Variants in GRID2 observed in about 807,000 individuals in gnomAD.
GRID2 encodes glutamate receptor ionotropic, delta-2.
GRID2 carries 33 observed loss-of-function variants against 114.8 expected under a neutral mutation model. The observed-to-expected ratio is 0.29, with a 90% CI of 0.22 to 0.38. GRID2 has a LOEUF of 0.38. GRID2 is among the 10% of genes least tolerant of loss of function. The pLI is 1.00. For synonymous variants in GRID2, 505 were observed against 449.9 expected (o/e 1.12, Z -1.55); for missense variants, 1,184 against 1,257.7 (o/e 0.94, Z 0.89).
chr4:92,412,328 C>T (rs986245635), intron 1 of GRID2, among the ~76,000 whole-genome samples: 2 of 151,922 alleles, frequency 1.3e-5, no homozygotes, highest in African/African-American at 4.8e-5. Flanking sequence ...ATTTGTGTTT[C>T]ACTAGTAAGT....
chr4:92,545,083 A>G (rs1030885687), intron 1 of GRID2, among the ~76,000 whole-genome samples: 6 of 152,086 alleles, frequency 3.9e-5, no homozygotes, highest in Non-Finnish European at 7.4e-5. Flanking sequence ...ACTGACCTGA[A>G]TGCCAGAGCT....
At position 92,931,659 on chromosome 4, in the gene GRID2, T is replaced by C. The variant is rs1046098976; in HGVS notation, c.245-153336T>C. On this transcript the variant is annotated intron_variant, in intron 2 of 15. Coordinates refer to ENST00000282020, the MANE Select transcript of GRID2 (RefSeq NM_001510.4). ...ACACACACACAGCATTCGGAATAGA[T>C]CTAGAGTAACCAAAATAACCTGGAT... Among the ~76,000 whole-genome samples the C allele has an allele frequency of 4.0e-5, 6 of 149,748 alleles. No homozygotes were observed. The Admixed American group carries it at 4.0e-4, about 10-fold the overall frequency.
intron 5 of GRID2, among the ~76,000 whole-genome samples, chr4:93,214,837 T>C (rs1743997542): frequency 6.6e-6 from 1 of 152,062 alleles, no homozygotes; most frequent in African/African-American, 2.4e-5. Flanking sequence ...GCTGAAATAA[T>C]GTATCTTTAC....
chr4:92,444,707 A>G (rs1334436328), intron 1 of GRID2, among the ~76,000 whole-genome samples: 1 of 152,164 alleles, frequency 6.6e-6, no homozygotes, highest in Admixed American at 6.5e-5. Flanking sequence ...CTCTTTTTAA[A>G]TATCCGTACA....
At chr4:92,665,967 A>C (rs532633800) in intron 2 of GRID2, among the ~76,000 whole-genome samples, 6 of 151,390 alleles carry the variant, frequency 4.0e-5, no homozygotes, top group Non-Finnish European at 7.4e-5. Context: ...CTTTCCTCAA[A>C]TTTTGGAAAT....
At chr4:93,395,512 C>G in intron 8 of GRID2, 95 bp from the exon 9 acceptor site, 1 of 636,978 alleles carries the variant, frequency 1.6e-6, no homozygotes, top group Non-Finnish European at 2.9e-6. Flanking sequence ...ACCAATTATT[C>G]TAAGAGCTAT....
chr4:92,919,474 C>T (rs1214010634), intron 2 of GRID2, among the ~76,000 whole-genome samples: 1 of 152,150 alleles, frequency 6.6e-6, no homozygotes, highest in East Asian at 1.9e-4. Flanking sequence ...TTCCTGCTTT[C>T]TCTAGTGGGC....
chr4:93,799,561 A>G (rs1734882458), intron 1 of GRID2, among the ~76,000 whole-genome samples: 2 of 152,196 alleles, frequency 1.3e-5, no homozygotes, highest in African/African-American at 4.8e-5. Flanking sequence ...TTTAAAATAA[A>G]TAGAAATAAA....
At chr4:92,631,217 G>T (rs1352151737) in intron 2 of GRID2, among the ~76,000 whole-genome samples, 1 of 152,018 alleles carries the variant, frequency 6.6e-6, no homozygotes, top group African/African-American at 2.4e-5. Context: ...ACTCAGATCA[G>T]TGTCCATACA....
At chr4:92,340,187 CCTTT>C (rs972787794) in intron 1 of GRID2, among the ~76,000 whole-genome samples, 13 of 152,094 alleles carry the variant, frequency 8.5e-5, no homozygotes, top group Non-Finnish European at 1.5e-4. Context: ...TCTCCTTTCT[CCTTT>C]CTTTCTATTT....
chr4:93,284,644 G>A (rs1439829453), intron 8 of GRID2, among the ~76,000 whole-genome samples: 1 of 151,644 alleles, frequency 6.6e-6, no homozygotes, highest in East Asian at 1.9e-4. Context: ...TGAAATCTTG[G>A]AGTCTATAAA....
At chr4:92,749,193 G>C (rs1182697818) in intron 2 of GRID2, among the ~76,000 whole-genome samples, 2 of 151,794 alleles carry the variant, frequency 1.3e-5, no homozygotes, top group Admixed American at 1.3e-4. Flanking sequence ...TAGTAGAGAC[G>C]GGGCTTCACC....
chr4:93,406,361 T>C (rs1371208121), intron 9 of GRID2, among the ~76,000 whole-genome samples: 1 of 152,176 alleles, frequency 6.6e-6, no homozygotes, highest in Non-Finnish European at 1.5e-5. Context: ...AAACAGAACT[T>C]GTCAGCCTCA....
At chr4:93,766,453 T>C (rs1216023591) in intron 14 of GRID2, among the ~76,000 whole-genome samples, 1 of 152,156 alleles carries the variant, frequency 6.6e-6, no homozygotes, top group Non-Finnish European at 1.5e-5. Flanking sequence ...ACCCCCATGA[T>C]TCAATTATCT....
At chr4:93,751,733 G>A (rs757548821) in intron 14 of GRID2, among the ~76,000 whole-genome samples, 9 of 152,128 alleles carry the variant, frequency 5.9e-5, no homozygotes, top group Admixed American at 3.3e-4. Flanking sequence ...TCAGTGAGAG[G>A]TTAGCGAAAA....
chr4:92,324,607 A>G (rs1426189133), intron 1 of GRID2, among the ~76,000 whole-genome samples: 1 of 147,914 alleles, frequency 6.8e-6, no homozygotes, highest in East Asian at 2.0e-4. Flanking sequence ...ACACACACAC[A>G]CACACACACA....
At chr4:93,526,947 G>A (rs1191155882) in intron 13 of GRID2, among the ~76,000 whole-genome samples, 1 of 152,052 alleles carries the variant, frequency 6.6e-6, no homozygotes, top group African/African-American at 2.4e-5. Flanking sequence ...ATGTTTTCAT[G>A]CCCTTGTCTT....
In GRID2 at chr4:93,169,139, G is replaced by T. The variant is rs1029616478; in HGVS notation, c.736-38265G>T. Among the ~76,000 whole-genome samples, 10 of 116,176 alleles carry T rather than the reference G, an allele frequency of 8.6e-5. No individual in the cohort carries two copies. In the South Asian group the frequency reaches 2.7e-3, roughly 32 times the overall value. 76.2% of individuals were successfully genotyped at this position (116,176 alleles called of 152,430 possible). A position where few individuals can be genotyped will look rare whatever the true frequency, so the allele number is the denominator to read the frequency against. On this transcript the variant is annotated intron_variant, in intron 4 of 15. Coordinates refer to ENST00000282020, the MANE Select transcript of GRID2 (RefSeq NM_001510.4). ...TCCAAGTGGCTTTTTTCAACACAAT[G>T]AAATACACACACACACACACACACA...
intron 4 of GRID2, among the ~76,000 whole-genome samples, chr4:93,123,253 C>A (rs1370704155): frequency 2.6e-5 from 4 of 152,004 alleles, no homozygotes; most frequent in Non-Finnish European, 4.4e-5. Context: ...TTACTTTATA[C>A]TAAGTTCTTA....
Sources: allele counts gnomAD v4.1 joint callset (sites outside exome capture counted in the v4.1 genomes callset), GRCh38; gene constraint gnomAD v4.1.1; transcripts MANE v1.5; gene names NCBI Gene and HGNC (gene_info 2026-07-23, HGNC 2026-07-21).